The following SDCCAG8 variants were observed in gnomAD, a reference collection of about 807,000 sequenced individuals.
The protein encoded by SDCCAG8 is serologically defined colon cancer antigen 8.
SDCCAG8 carries 74 observed loss-of-function variants against 101.8 expected under a neutral mutation model. The ratio of observed to expected loss-of-function variants is 0.73; its 90% CI spans 0.60 to 0.88. SDCCAG8 has a LOEUF of 0.88. Ranked by LOEUF, SDCCAG8 falls within the 40% of genes least tolerant of loss-of-function variation. The probability of loss-of-function intolerance (pLI) is 0.00; values close to 1 mark genes in which losing one functional copy is unlikely to be tolerated. For missense variants in SDCCAG8, 787 were observed against 822.6 expected, an observed-to-expected ratio of 0.96 and a Z score of 0.53; for synonymous variants, 281 against 292.9, an observed-to-expected ratio of 0.96 and a Z score of 0.41.
intron 13 of SDCCAG8, among the ~76,000 whole-genome samples, chr1:243,386,920 T>C (rs2078340784): frequency 6.6e-6 from 1 of 152,238 alleles, no homozygotes; most frequent in Admixed American, 6.5e-5. Flanking sequence ...TTAAACATAT[T>C]ATAATGCCAT....
chr1:243,445,105 A>T (rs1444311602), intron 16 of SDCCAG8, among the ~76,000 whole-genome samples: 1 of 152,214 alleles, frequency 6.6e-6, no homozygotes, highest in African/African-American at 2.4e-5. Flanking sequence ...AATAACAAAC[A>T]TATTTTTCCA....
chr1:243,417,919 C>A (rs762747487), intron 14 of SDCCAG8, 49 bp from the exon 15 acceptor site: 1 of 1,361,664 alleles, frequency 7.3e-7, no homozygotes, highest in Non-Finnish European at 1.1e-6. Flanking sequence ...CACTGCAGAG[C>A]GACAACCATA....
At chr1:243,288,847 A>C (rs1314071822) in intron 5 of SDCCAG8, among the ~76,000 whole-genome samples, 1 of 151,952 alleles carries the variant, frequency 6.6e-6, no homozygotes, top group Admixed American at 6.6e-5. Context: ...CTCTACTAAA[A>C]ATACAAAAAA....
At chr1:243,465,253 A>G (rs3006911) in intron 16 of SDCCAG8, among the ~76,000 whole-genome samples, 8,735 of 152,152 alleles carry the variant, frequency 0.057, 859 homozygotes, top group African/African-American at 0.2. Flanking sequence ...CATGCCCAAC[A>G]CCTCCCATGA....
rs1364323118 is a variant in SDCCAG8, at chr1:243,388,277, T to TA, written c.1616+9414_1616+9415insA. On this transcript the variant is annotated intron_variant, in intron 13 of 17. Transcript: ENST00000366541. ...TTCTTTCATACCATGAAGTAAAACA[T>TA]CTTTCATTCTGAAATTGATGATAAA... Among the ~76,000 whole-genome samples, 37 of 152,346 alleles carry TA rather than the reference T, an allele frequency of 2.4e-4. No homozygotes were observed. In the South Asian group the frequency reaches 6.2e-3, roughly 26 times the overall value.
chr1:243,434,144 C>A (rs1026271163), intron 16 of SDCCAG8, among the ~76,000 whole-genome samples: 1 of 152,156 alleles, frequency 6.6e-6, no homozygotes, highest in Non-Finnish European at 1.5e-5. Context: ...TTGTTAACCC[C>A]CTACGGTGCA....
chr1:243,352,791 TCTATAATATTTG>T (rs1476231129), intron 12 of SDCCAG8, among the ~76,000 whole-genome samples: 4 of 152,236 alleles, frequency 2.6e-5, no homozygotes, highest in African/African-American at 9.6e-5. Context: ...TACATATGCA[TCTATAATATTTG>T]CAAATATAAA....
chr1:243,341,721 CTG>C (rs1057164495), intron 11 of SDCCAG8, among the ~76,000 whole-genome samples: 26 of 152,140 alleles, frequency 1.7e-4, no homozygotes, highest in African/African-American at 6.3e-4. Context: ...ACTACATTGT[CTG>C]TGCTATGGGC....
chr1:243,328,239 C>T (rs529055984), intron 9 of SDCCAG8, among the ~76,000 whole-genome samples: 3 of 151,756 alleles, frequency 2.0e-5, no homozygotes, highest in South Asian at 2.1e-4. Flanking sequence ...GTTGGTTACA[C>T]GCTAAGAGAC....
intron 12 of SDCCAG8, among the ~76,000 whole-genome samples, chr1:243,369,546 A>G (rs746759548): frequency 4.4e-4 from 67 of 152,142 alleles, no homozygotes; most frequent in Non-Finnish European, 1.3e-4. Context: ...TTATGATGGT[A>G]ATGTTTGAAG....
chr1:243,428,810 A>G (rs763371736), intron 16 of SDCCAG8, among the ~76,000 whole-genome samples: 1 of 152,200 alleles, frequency 6.6e-6, no homozygotes, highest in Non-Finnish European at 1.5e-5. Context: ...TGTAGCACAC[A>G]CTGTACTACC....
intron 6 of SDCCAG8, among the ~76,000 whole-genome samples, chr1:243,300,333 A>G (rs1189165903): frequency 6.6e-6 from 1 of 151,936 alleles, no homozygotes; most frequent in Non-Finnish European, 1.5e-5. Flanking sequence ...TCTCTTAAAT[A>G]TTTCTATACT....
chr1:243,481,539 AG>A (rs1193951276), intron 16 of SDCCAG8, among the ~76,000 whole-genome samples: 1 of 152,214 alleles, frequency 6.6e-6, no homozygotes, highest in Non-Finnish European at 1.5e-5. Context: ...GGCCACTGGG[AG>A]GAGTAGAAAA....
chr1:243,387,664 G>A (rs543585761), intron 13 of SDCCAG8, among the ~76,000 whole-genome samples: 1 of 152,266 alleles, frequency 6.6e-6, no homozygotes, highest in African/African-American at 2.4e-5. Context: ...GAGTGATAGA[G>A]GCTGCCTTTC....
At chr1:243,259,472 T>A (rs1247423276) in intron 1 of SDCCAG8, among the ~76,000 whole-genome samples, 1 of 152,054 alleles carries the variant, frequency 6.6e-6, no homozygotes, top group East Asian at 1.9e-4. Flanking sequence ...ACTATTATGG[T>A]ATATCAAAAT....
chr1:243,384,251 G>T (rs1558390783), intron 13 of SDCCAG8, among the ~76,000 whole-genome samples: 2 of 152,208 alleles, frequency 1.3e-5, no homozygotes, highest in South Asian at 4.1e-4. Context: ...ACTTTGCAGA[G>T]TTGGAGCTCA....
intron 15 of SDCCAG8, among the ~76,000 whole-genome samples, chr1:243,425,679 A>G (rs779565411): frequency 1.3e-5 from 2 of 152,214 alleles, no homozygotes; most frequent in Non-Finnish European, 2.9e-5. Flanking sequence ...TTTACTTAAT[A>G]CAAGGAAAGG....
In SDCCAG8 at chr1:243,446,235, A is replaced by C. The variant is rs1420898355; in HGVS notation, c.1985+19677A>C. On this transcript the variant is annotated intron_variant, in intron 16 of 17. Transcript: ENST00000366541. ...ATAACATAATAACTGGTTAAGAAGAATGTGCATTGCATTCTCCATGCACTA... is the reference window on the plus strand; with the variant it reads ...ATAACATAATAACTGGTTAAGAAGACTGTGCATTGCATTCTCCATGCACTA... Among the ~76,000 whole-genome samples, 4 of 152,356 alleles carry C rather than the reference A, an allele frequency of 2.6e-5. No homozygotes were observed. The East Asian group carries it at 7.7e-4, about 29-fold the overall frequency.
chr1:243,483,579 C>A (rs1394108542), intron 16 of SDCCAG8, among the ~76,000 whole-genome samples: 2 of 152,114 alleles, frequency 1.3e-5, no homozygotes, highest in East Asian at 3.9e-4. Context: ...CGTCTCGCGA[C>A]CTCCCCGCCA....
Sources: allele counts gnomAD v4.1 joint callset (sites outside exome capture counted in the v4.1 genomes callset), GRCh38; gene constraint gnomAD v4.1.1; transcripts MANE v1.5; gene names NCBI Gene and HGNC (gene_info 2026-07-23, HGNC 2026-07-21).